ADAMTS18: variants seen among roughly 807,000 people sequenced by gnomAD.
The protein encoded by ADAMTS18 is A disintegrin and metalloproteinase with thrombospondin motifs 18.
A neutral mutation model predicts 165.9 loss-of-function variants in ADAMTS18; 157 were observed. That is an observed-to-expected ratio of 0.95 (90% CI 0.83 to 1.08). The LOEUF (loss-of-function observed/expected upper bound fraction) is 1.08. Ranked by LOEUF, ADAMTS18 falls within the 50% of genes least tolerant of loss-of-function variation. ADAMTS18 has a pLI of 0.00. For synonymous variants in ADAMTS18, 782 were observed against 578.2 expected (o/e 1.35, Z -5.06); for missense variants, 2,040 against 1,534.0 (o/e 1.33, Z -5.51).
chr16:77,331,182 T>C (rs554082384), intron 12 of ADAMTS18, among the ~76,000 whole-genome samples: 5 of 152,200 alleles, frequency 3.3e-5, no homozygotes, highest in African/African-American at 4.8e-5. Context: ...AACAATGCCC[T>C]ATTATAATGA....
Position 77,300,268 on chromosome 16 carries a change from C to T in ADAMTS18, c.2669G>A (p.Gly890Asp), listed in dbSNP as rs748795606. 1.2e-5 allele frequency: 19 copies of T among 1,614,066 alleles called. No homozygotes were observed. The highest frequency in any genetic ancestry group is 1.5e-5 in the Non-Finnish European group (18 of 1,179,954). ...AGAATGAGAAAATCATCTACCTCCA[C>T]CACAGGAGACGGAGCACTCTGACTG... ...IVQSECSVSC[G>D]GGYINVKAIC... The change falls in exon 17 of 23, where the codon GGT becomes GAT. Residue 890 changes from glycine (G) to aspartate (D), a missense_variant. Physicochemically the swap from Gly to Asp is moderately conservative, Grantham distance 94. Coordinates refer to ENST00000282849, the MANE Select transcript of ADAMTS18 (RefSeq NM_199355.4).
chr16:77,412,495 A>C (rs2057477981), intron 3 of ADAMTS18, among the ~76,000 whole-genome samples: 1 of 151,938 alleles, frequency 6.6e-6, no homozygotes, highest in Admixed American at 6.6e-5. Context: ...CAGCTGATTT[A>C]TTTCTTTCAT....
chr16:77,395,595 G>C (rs1483246453), intron 3 of ADAMTS18, among the ~76,000 whole-genome samples: 1 of 152,012 alleles, frequency 6.6e-6, no homozygotes, highest in Non-Finnish European at 1.5e-5. Flanking sequence ...TGAAGCACTT[G>C]CCCCAGTTTT....
chr16:77,312,207 T>A (rs925178860), intron 16 of ADAMTS18, among the ~76,000 whole-genome samples: 4 of 152,064 alleles, frequency 2.6e-5, no homozygotes, highest in African/African-American at 9.7e-5. Flanking sequence ...TGGAGGCCAA[T>A]CTTCCATTCC....
At chr16:77,326,177 A>G in intron 12 of ADAMTS18, 139 bp from the exon 13 acceptor site, 2 of 829,916 alleles carry the variant, frequency 2.4e-6, no homozygotes, top group Non-Finnish European at 3.9e-6. Context: ...ACAGGAATGG[A>G]AGTACATAGC....
chr16:77,335,356 G>A (rs528656051), intron 12 of ADAMTS18, among the ~76,000 whole-genome samples: 9 of 151,250 alleles, frequency 6.0e-5, no homozygotes, highest in East Asian at 3.9e-4. Context: ...GAGGGAGAAT[G>A]GTAATGTCAG....
intron 12 of ADAMTS18, among the ~76,000 whole-genome samples, chr16:77,334,789 A>T (rs62652212): frequency 0.19 from 4,434 of 23,840 alleles, 175 homozygotes; most frequent in East Asian, 0.28. Flanking sequence ...GTATACAGTA[A>T]ATATACTATA....
At chr16:77,323,519 T>C (rs896468306) in intron 13 of ADAMTS18, among the ~76,000 whole-genome samples, 1 of 151,814 alleles carries the variant, frequency 6.6e-6, no homozygotes, top group African/African-American at 2.4e-5. Flanking sequence ...CTTTCTTTTC[T>C]CTATCATTTC....
chr16:77,390,513 A>AACC, intron 3 of ADAMTS18, among the ~76,000 whole-genome samples: 1 of 152,002 alleles, frequency 6.6e-6, no homozygotes, highest in African/African-American at 2.4e-5. Flanking sequence ...GAAATGGTGA[A>AACC]ATGCCGTCTC....
In ADAMTS18 at chr16:77,332,869, A is replaced by G. The variant is rs188461213; in HGVS notation, c.1859+2887T>C. 3.0e-3 allele frequency among the ~76,000 whole-genome samples: 457 copies of G among 152,308 alleles called. 1 individual carries two copies. Among genetic ancestry groups the G allele is most frequent in the African/African-American group, 6.9e-3 (287 of 41,570 alleles). ...TTGAAGAAAATTGAATTTGCTGTCA[A>G]TATTTTTAAAATTGGGAAATTTCAC... On this transcript the variant is annotated intron_variant, in intron 12 of 22. Transcript: ENST00000282849.
chr16:77,314,147 A>G (rs1167617656), intron 16 of ADAMTS18, among the ~76,000 whole-genome samples: 3 of 152,112 alleles, frequency 2.0e-5, no homozygotes, highest in African/African-American at 7.2e-5. Flanking sequence ...CACCAAACAG[A>G]TGGACTGATG....
intron 16 of ADAMTS18, among the ~76,000 whole-genome samples, chr16:77,314,489 G>A (rs79421359): frequency 6.6e-6 from 1 of 150,706 alleles, no homozygotes. Flanking sequence ...GTGCACGCCT[G>A]TAATCCCAGC....
At chr16:77,334,780 T>C (rs1279270385) in intron 12 of ADAMTS18, among the ~76,000 whole-genome samples, 2 of 103,266 alleles carry the variant, frequency 1.9e-5, no homozygotes, top group Non-Finnish European at 3.7e-5. Flanking sequence ...TATACTATAG[T>C]ATACAGTAAA....
At chr16:77,365,106 A>C (rs2056774304) in intron 4 of ADAMTS18, among the ~76,000 whole-genome samples, 1 of 152,138 alleles carries the variant, frequency 6.6e-6, no homozygotes, top group Admixed American at 6.6e-5. Flanking sequence ...TGTCCTCAAA[A>C]GAAACACCCA....
intron 18 of ADAMTS18, among the ~76,000 whole-genome samples, chr16:77,296,082 A>G (rs930489460): frequency 2.6e-5 from 4 of 152,152 alleles, no homozygotes; most frequent in African/African-American, 4.8e-5. Context: ...ATACGATTGC[A>G]TCACCACAAA....
intron 3 of ADAMTS18, among the ~76,000 whole-genome samples, chr16:77,399,129 C>G (rs1285079748): frequency 6.6e-6 from 1 of 152,188 alleles, no homozygotes. Context: ...AGACCCACCA[C>G]CAGGTGTGGG....
intron 10 of ADAMTS18, among the ~76,000 whole-genome samples, chr16:77,343,262 C>T (rs560853227): frequency 2.0e-5 from 3 of 152,212 alleles, no homozygotes; most frequent in South Asian, 2.1e-4. Context: ...TTAGTAGAGA[C>T]GTGGTTTCAC....
chr16:77,406,823 C>T (rs1453624356), intron 3 of ADAMTS18, among the ~76,000 whole-genome samples: 1 of 151,900 alleles, frequency 6.6e-6, no homozygotes, highest in Non-Finnish European at 1.5e-5. Context: ...CACCATTATC[C>T]TAAGCAAATT....
At chr16:77,342,135 G>C (rs773960142) in intron 10 of ADAMTS18, among the ~76,000 whole-genome samples, 1 of 152,106 alleles carries the variant, frequency 6.6e-6, no homozygotes, top group African/African-American at 2.4e-5. Context: ...ATCAAGATTG[G>C]AATAAAGCAA....
Sources: gnomAD v4.1 joint callset for allele counts (sites outside exome capture counted in the v4.1 genomes callset) on GRCh38, gnomAD v4.1.1 for gene constraint, MANE v1.5 for transcripts, NCBI Gene and HGNC (gene_info 2026-07-23, HGNC 2026-07-21) for gene names.